Variants in LRRCC1 observed in about 807,000 individuals in gnomAD.
LRRCC1 encodes the protein leucine-rich repeat and coiled-coil domain-containing protein 1.
A neutral mutation model predicts 126.0 loss-of-function variants in LRRCC1; 115 were observed. The observed-to-expected ratio is 0.91, with a 90% CI of 0.78 to 1.07. The LOEUF (loss-of-function observed/expected upper bound fraction) is 1.07, where lower values mean the gene tolerates loss of function less well. Ranked by LOEUF, LRRCC1 falls within the 50% of genes least tolerant of loss-of-function variation. The pLI is 0.00. For synonymous variants in LRRCC1, 400 were observed against 393.4 expected (o/e 1.02, Z -0.20); for missense variants, 1,172 against 1,175.7 (o/e 1.00, Z 0.05).
chr8:85,130,050 G>T lies in LRRCC1; in HGVS notation c.1758G>T (p.Gln586His). 1.3e-6 allele frequency: 2 copies of T among 1,575,548 alleles called. No homozygotes were observed. Among genetic ancestry groups the T allele is most frequent in the Admixed American group, 2.0e-5 (1 of 50,572 alleles). The change falls in exon 11 of 19, where the codon CAG becomes CAT. Residue 586 changes from glutamine (Q) to histidine (H), a missense_variant. Coordinates refer to ENST00000360375, the MANE Select transcript of LRRCC1 (RefSeq NM_033402.5). ...QLHQLLALKE[Q>H]EHRKELETRE... ...ATCAACTTCTTGCATTGAAAGAACAGGAACACAGGTAAATGAAAAATGTAT... is the reference window on the plus strand; with the variant it reads ...ATCAACTTCTTGCATTGAAAGAACATGAACACAGGTAAATGAAAAATGTAT...
intron 6 of LRRCC1, among the ~76,000 whole-genome samples, chr8:85,117,784 T>C (rs1442498942): frequency 6.6e-6 from 1 of 152,184 alleles, no homozygotes; most frequent in African/African-American, 2.4e-5. Flanking sequence ...TATTTTGTCA[T>C]GTAGCTATCT....
At chr8:85,144,392 TAG>T (rs1339368593) in intron 18 of LRRCC1, among the ~76,000 whole-genome samples, 1 of 146,420 alleles carries the variant, frequency 6.8e-6, no homozygotes, top group Non-Finnish European at 1.5e-5. Context: ...AGCTCTAAAA[TAG>T]AGTTAAAATG....
rs767378434 is a variant in LRRCC1 at position 85,129,271 on chromosome 8, A to G, written c.1518A>G (p.Glu506=). Residue 506 remains glutamate, a synonymous_variant, in exon 10 of 19, where the codon GAA becomes GAG. Coordinates refer to ENST00000360375, the MANE Select transcript of LRRCC1 (RefSeq NM_033402.5). ...LQNEIKKLTV[E]LMKAKDQQED... ...ATGAAATTAAAAAACTGACTGTTGA[A>G]CTAATGAAAGCAAAAGATCAACAAG... 1 of 1,613,482 alleles carries G rather than the reference A, an allele frequency of 6.2e-7. No individual in the cohort carries two copies. The highest frequency in any genetic ancestry group is 1.1e-5 in the South Asian group (1 of 91,020).
chr8:85,141,456 A>T lies in LRRCC1; in HGVS notation c.2915A>T (p.Gln972Leu). ...GTTGATGCAATTGTTGAAGCTCATCAAGCTGAAATAGCACAGCTGGCCAAT... is the reference window on the plus strand; with the variant it reads ...GTTGATGCAATTGTTGAAGCTCATCTAGCTGAAATAGCACAGCTGGCCAAT... ...RQVDAIVEAH[Q>L]AEIAQLANEK... Residue 972 changes from glutamine (Q) to leucine (L), a missense_variant, in exon 18 of 19, where the codon CAA (glutamine) becomes CTA (leucine). Transcript: ENST00000360375. The T allele has an allele frequency of 6.2e-7, 1 of 1,613,530 alleles. No homozygotes were observed.
At chr8:85,121,464 G>C (rs536831504) in intron 6 of LRRCC1, among the ~76,000 whole-genome samples, 1 of 151,048 alleles carries the variant, frequency 6.6e-6, no homozygotes, top group African/African-American at 2.4e-5. Flanking sequence ...TTTTTGAGAC[G>C]GAGTTTCATT....
intron 4 of LRRCC1, among the ~76,000 whole-genome samples, chr8:85,114,510 C>T (rs1262654013): frequency 6.6e-6 from 1 of 151,996 alleles, no homozygotes; most frequent in Non-Finnish European, 1.5e-5. Flanking sequence ...GATTAAGGTG[C>T]TCCTGTTAGC....
chr8:85,112,830 G>T (rs1210459649), intron 3 of LRRCC1, 102 bp from the exon 4 acceptor site: 9 of 717,006 alleles, frequency 1.3e-5, no homozygotes, highest in Non-Finnish European at 2.0e-5. Flanking sequence ...ATCTAATGCT[G>T]CCCGTTTGCC....
intron 4 of LRRCC1, 64 bp from the exon 5 acceptor site, chr8:85,115,036 T>C (rs1385638434): frequency 2.3e-5 from 30 of 1,312,260 alleles, no homozygotes; most frequent in Non-Finnish European, 3.1e-5. Context: ...AAATTTAGTT[T>C]ATTCTAGAAA....
Position 85,107,238 on chromosome 8 carries a change from A to G in LRRCC1, c.-58A>G. On this transcript the variant is annotated 5_prime_UTR_variant, in exon 1 of 19. Coordinates refer to ENST00000360375, the MANE Select transcript of LRRCC1 (RefSeq NM_033402.5). ...TCCGCGCTTCCGGGAGGCTTGTCCC[A>G]AGCTCACGGACCCCTCGCTGGGTGC... The G allele has an allele frequency of 6.5e-7, 1 of 1,528,282 alleles. No homozygotes were observed. The allele number at this position is 1,528,282 out of a possible 1,614,324, so 94.7% of individuals were successfully genotyped here.
chr8:85,126,878 A>G, intron 9 of LRRCC1, 41 bp downstream of exon 9: 1 of 1,518,322 alleles, frequency 6.6e-7, no homozygotes. Context: ...CTCATAGCAT[A>G]AACAATACTG....
intron 17 of LRRCC1, among the ~76,000 whole-genome samples, chr8:85,141,021 A>G (rs908094205): frequency 2.1e-4 from 32 of 152,240 alleles, no homozygotes; most frequent in African/African-American, 7.5e-4. Context: ...AGCCATGATC[A>G]TGCCACTGCA....
In LRRCC1 at chr8:85,137,460, T is replaced by G. The variant is rs113963922; in HGVS notation, c.2330-4T>G. The stretch of plus-strand genomic sequence containing the variant: ...GTATGTAATTGATGATTTTTGTTTC[T>G]TAGGATCTTCTCTAGCCCAAAATCG... On this transcript the variant is annotated splice_polypyrimidine_tract_variant and splice_region_variant and intron_variant, in intron 14 of 18. Transcript: ENST00000360375. The G allele has an allele frequency of 1.0e-3, 1,588 of 1,545,648 alleles. 20 individuals are homozygous for G. The African/African-American group carries it at 0.019, about 18-fold the overall frequency.
rs1810947081 is a variant in LRRCC1 at position 85,137,405 on chromosome 8, A to G, written c.2330-59A>G. The G allele has an allele frequency of 2.7e-6, 3 of 1,109,218 alleles. No homozygotes were observed. The Admixed American group carries it at 8.6e-5, about 32-fold the overall frequency. The allele number at this position is 1,109,218 out of a possible 1,614,324, so 68.7% of individuals were successfully genotyped here. ...TTATATTACAGTTTGTTAGAGTTTAATAAGATACAAACCCCCAAGGTGTTT... is the reference window on the plus strand; with the variant it reads ...TTATATTACAGTTTGTTAGAGTTTAGTAAGATACAAACCCCCAAGGTGTTT... On this transcript the variant is annotated intron_variant, in intron 14 of 18. Coordinates refer to ENST00000360375, the MANE Select transcript of LRRCC1 (RefSeq NM_033402.5).
intron 3 of LRRCC1, among the ~76,000 whole-genome samples, chr8:85,112,006 G>A (rs12549421): frequency 0.42 from 63,931 of 151,600 alleles, 16,549 homozygotes; most frequent in Non-Finnish European, 0.55. Context: ...GACTACAGGC[G>A]TGTTCCACCA....
At chr8:85,140,063 G>C (rs911370070) in intron 17 of LRRCC1, among the ~76,000 whole-genome samples, 1 of 152,028 alleles carries the variant, frequency 6.6e-6, no homozygotes, top group African/African-American at 2.4e-5. Context: ...GATTCTAAAA[G>C]AAAGTCATAT....
intron 6 of LRRCC1, among the ~76,000 whole-genome samples, chr8:85,117,082 T>C (rs1809180273): frequency 6.6e-6 from 1 of 152,214 alleles, no homozygotes; most frequent in Admixed American, 6.5e-5. Context: ...TTTAATGTCT[T>C]TAATTTGAAG....
rs749565273 is a variant in LRRCC1, at chr8:85,110,115, G to A, written c.311G>A (p.Gly104Glu). Reference protein sequence around the residue: ...LSCNLITKVEGLEELINLTRL... With the variant: ...LSCNLITKVEELEELINLTRL... ...ATTTTATTTTACTTTTTTTTTTTAG[G>A]ACTTGAAGAACTAATTAATCTGACT... Residue 104 changes from glycine to glutamate, a missense_variant and splice_region_variant, in exon 3 of 19, where the codon GGA becomes GAA. Physicochemically the swap from Gly to Glu is moderately conservative, Grantham distance 98 (BLOSUM62 -2). Coordinates refer to ENST00000360375, the MANE Select transcript of LRRCC1 (RefSeq NM_033402.5). The A allele has an allele frequency of 4.3e-6, 5 of 1,162,496 alleles. No individual in the cohort carries two copies. The highest frequency in any genetic ancestry group is 2.3e-4 in the Middle Eastern group (1 of 4,442). The allele number at this position is 1,162,496 out of a possible 1,614,324, so 72.0% of individuals were successfully genotyped here.
intron 1 of LRRCC1, chr8:85,107,636 C>G (rs186274508): frequency 4.7e-5 from 19 of 403,108 alleles, no homozygotes; most frequent in Non-Finnish European, 4.5e-6. Context: ...CACGACTCTG[C>G]TTAGCCTAGA....
In LRRCC1 at chr8:85,142,791, C is replaced by G. The variant is rs1319671578; in HGVS notation, c.2976+1274C>G. ...GTTTCAGTGCACCAAGATTGTGTCA[C>G]GTTGCACTCTAGCCTGGACTACGGA... On this transcript the variant is annotated intron_variant, in intron 18 of 18. Coordinates refer to ENST00000360375, the MANE Select transcript of LRRCC1 (RefSeq NM_033402.5). Among the ~76,000 whole-genome samples the G allele has an allele frequency of 4.2e-5, 6 of 144,054 alleles. 1 individual carries two copies. The East Asian group carries it at 8.1e-4, about 19-fold the overall frequency. The allele number at this position is 144,054 out of a possible 152,430, so 94.5% of individuals were successfully genotyped here.
Sources: gnomAD v4.1 joint callset for allele counts (sites outside exome capture counted in the v4.1 genomes callset) on GRCh38, gnomAD v4.1.1 for gene constraint, MANE v1.5 for transcripts, NCBI Gene and HGNC (gene_info 2026-07-23, HGNC 2026-07-21) for gene names.